BBS9: variants seen among roughly 807,000 people sequenced by gnomAD.
BBS9 encodes protein PTHB1.
BBS9 carries 89 observed loss-of-function variants against 117.7 expected under a neutral mutation model. That is an observed-to-expected ratio of 0.76 (90% CI 0.64 to 0.90). The LOEUF (loss-of-function observed/expected upper bound fraction) is 0.90. Among genes scored for constraint, BBS9 ranks in the 40% least tolerant of loss-of-function variants. The pLI is 0.00. For synonymous variants in BBS9, 379 were observed against 370.9 expected (o/e 1.02, Z -0.25); for missense variants, 982 against 1,042.2 (o/e 0.94, Z 0.80).
intron 5 of BBS9, among the ~76,000 whole-genome samples, chr7:33,217,117 A>G (rs1789227116): frequency 1.3e-5 from 2 of 152,044 alleles, no homozygotes; most frequent in African/African-American, 4.8e-5. Context: ...AAATTAACCA[A>G]CTAAAAATAC....
intron 9 of BBS9, among the ~76,000 whole-genome samples, chr7:33,286,332 G>A (rs1376400686): frequency 1.3e-5 from 2 of 152,094 alleles, no homozygotes; most frequent in Admixed American, 6.6e-5. Context: ...GTTGCAGTAG[G>A]GTTGTAGCCA....
chr7:33,328,312 A>T (rs1248537435), intron 9 of BBS9, among the ~76,000 whole-genome samples: 5 of 152,180 alleles, frequency 3.3e-5, no homozygotes, highest in Non-Finnish European at 5.9e-5. Context: ...GCTTTTATTT[A>T]AAGTAAGTTT....
chr7:33,361,825 A>AT (rs1240024488), intron 16 of BBS9, among the ~76,000 whole-genome samples: 2 of 152,028 alleles, frequency 1.3e-5, no homozygotes, highest in African/African-American at 4.8e-5. Flanking sequence ...TTTCTGGTAC[A>AT]TTTTTATACA....
At chr7:33,617,077 G>C (rs1865176825) in intron 21 of BBS9, among the ~76,000 whole-genome samples, 1 of 151,768 alleles carries the variant, frequency 6.6e-6, no homozygotes, top group Non-Finnish European at 1.5e-5. Flanking sequence ...GTATTCCATA[G>C]TGTATATATA....
rs542840885 is a variant in BBS9 at position 33,601,872 on chromosome 7, A to T, written c.2522-2993A>T. On this transcript the variant is annotated intron_variant, in intron 21 of 22. Coordinates refer to ENST00000242067, the MANE Select transcript of BBS9 (RefSeq NM_198428.3). ...CTAGTTAAGCATGGGTAAAAGCATA[A>T]GTAATTGCACACCAGGGGCTATTAC... 2.6e-5 allele frequency among the ~76,000 whole-genome samples: 4 copies of T among 152,264 alleles called. No homozygotes were observed. The South Asian group carries it at 8.3e-4, about 32-fold the overall frequency.
chr7:33,515,164 T>C (rs1847559114), intron 20 of BBS9, among the ~76,000 whole-genome samples: 1 of 152,244 alleles, frequency 6.6e-6, no homozygotes, highest in African/African-American at 2.4e-5. Flanking sequence ...TGTAATAGTT[T>C]TATCCCTTAC....
intron 18 of BBS9, among the ~76,000 whole-genome samples, chr7:33,387,755 T>C (rs1826290597): frequency 1.3e-5 from 2 of 152,206 alleles, no homozygotes; most frequent in Non-Finnish European, 2.9e-5. Context: ...AAATGATCTG[T>C]TTTTCCTCCA....
intron 9 of BBS9, among the ~76,000 whole-genome samples, chr7:33,284,574 TTGC>T (rs1454933356): frequency 6.6e-6 from 1 of 152,242 alleles, no homozygotes; most frequent in East Asian, 1.9e-4. Flanking sequence ...ACCATTTGTT[TTGC>T]TGCTGAAGAA....
intron 21 of BBS9, among the ~76,000 whole-genome samples, chr7:33,538,430 T>C (rs978791613): frequency 2.0e-5 from 3 of 152,206 alleles, no homozygotes; most frequent in African/African-American, 7.2e-5. Context: ...GTGAATAAGA[T>C]GTCTATTCTA....
intron 21 of BBS9, among the ~76,000 whole-genome samples, chr7:33,545,820 T>C (rs73109616): frequency 0.01 from 1,572 of 152,142 alleles, 10 homozygotes; most frequent in Non-Finnish European, 0.017. Context: ...ATACACTCAC[T>C]ACGTATGTGT....
At chr7:33,206,170 G>A (rs1318616189) in intron 5 of BBS9, among the ~76,000 whole-genome samples, 1 of 152,148 alleles carries the variant, frequency 6.6e-6, no homozygotes, top group Non-Finnish European at 1.5e-5. Context: ...CCCAAGTACT[G>A]TATCAGTTAA....
chr7:33,358,512 A>T (rs1010145896), intron 16 of BBS9, among the ~76,000 whole-genome samples: 4 of 151,884 alleles, frequency 2.6e-5, no homozygotes, highest in Non-Finnish European at 5.9e-5. Flanking sequence ...CTGGTTGTTT[A>T]GAAGGGTTTC....
intron 9 of BBS9, among the ~76,000 whole-genome samples, chr7:33,319,576 AT>A (rs567638454): frequency 4.4e-4 from 67 of 151,824 alleles, no homozygotes; most frequent in African/African-American, 1.5e-3. Context: ...TATTATGACC[AT>A]TTTTTTGCAG....
intron 9 of BBS9, among the ~76,000 whole-genome samples, chr7:33,331,170 A>G (rs1420432317): frequency 1.3e-5 from 2 of 152,242 alleles, no homozygotes; most frequent in Admixed American, 1.3e-4. Flanking sequence ...AACGAAAATC[A>G]TATGATTATT....
chr7:33,592,922 A>G (rs1862170108), intron 21 of BBS9, among the ~76,000 whole-genome samples: 1 of 152,078 alleles, frequency 6.6e-6, no homozygotes, highest in Non-Finnish European at 1.5e-5. Flanking sequence ...TTTTTTTGAG[A>G]AATTATTATT....
At chr7:33,387,664 T>C (rs756175781) in intron 18 of BBS9, among the ~76,000 whole-genome samples, 4 of 152,228 alleles carry the variant, frequency 2.6e-5, no homozygotes, top group African/African-American at 4.8e-5. Context: ...AAACTTTTAA[T>C]CTCTGCATTG....
chr7:33,306,541 A>C (rs960821312), intron 9 of BBS9, among the ~76,000 whole-genome samples: 15 of 152,138 alleles, frequency 9.9e-5, no homozygotes, highest in African/African-American at 3.6e-4. Flanking sequence ...TTCTTTTGAT[A>C]ATAATCTGAA....
intron 9 of BBS9, among the ~76,000 whole-genome samples, chr7:33,312,105 A>C (rs1341261398): frequency 1.3e-5 from 2 of 152,172 alleles, no homozygotes; most frequent in Non-Finnish European, 2.9e-5. Context: ...CTGCTCCTCC[A>C]CCAGAAATAC....
intron 9 of BBS9, among the ~76,000 whole-genome samples, chr7:33,317,419 T>C (rs898999344): frequency 6.6e-6 from 1 of 151,860 alleles, no homozygotes; most frequent in Non-Finnish European, 1.5e-5. Flanking sequence ...ATCTGGATTA[T>C]GTTGCATCTG....
Sources: allele counts gnomAD v4.1 joint callset (sites outside exome capture counted in the v4.1 genomes callset), GRCh38; gene constraint gnomAD v4.1.1; transcripts MANE v1.5; gene names NCBI Gene and HGNC (gene_info 2026-07-23, HGNC 2026-07-21).